Variants in TMTC4 observed in about 807,000 individuals in gnomAD.
The protein encoded by TMTC4 is transmembrane O-mannosyltransferase targeting cadherins 4.
In TMTC4, 65 loss-of-function variants were observed where a neutral mutation model predicts 86.0. That is an observed-to-expected ratio of 0.76 (90% CI 0.62 to 0.93). The LOEUF (loss-of-function observed/expected upper bound fraction) is 0.93, where lower values mean the gene tolerates loss of function less well. TMTC4 is among the 40% of genes least tolerant of loss of function. TMTC4 has a pLI of 0.00. For synonymous variants in TMTC4, 379 were observed against 382.5 expected (o/e 0.99, Z 0.11); for missense variants, 866 against 948.1 (o/e 0.91, Z 1.14).
intron 15 of TMTC4, among the ~76,000 whole-genome samples, chr13:100,617,091 A>T (rs937197629): frequency 6.6e-6 from 1 of 151,428 alleles, no homozygotes; most frequent in African/African-American, 2.4e-5. Flanking sequence ...CCCAGGGCTG[A>T]TGTCTAGAAT....
chr13:100,664,485 A>C, intron 3 of TMTC4, 149 bp from the exon 4 acceptor site: 2 of 555,838 alleles, frequency 3.6e-6, no homozygotes, highest in African/African-American at 2.0e-5. Context: ...CGAAATACAC[A>C]TGGGCTCACC....
chr13:100,647,743 G>A (rs1228565500), intron 6 of TMTC4, among the ~76,000 whole-genome samples: 2 of 152,148 alleles, frequency 1.3e-5, no homozygotes, highest in Non-Finnish European at 1.5e-5. Flanking sequence ...TTATGACACA[G>A]ACACGAAAGT....
chr13:100,611,097 T>G (rs996092482), intron 17 of TMTC4, among the ~76,000 whole-genome samples: 1 of 152,236 alleles, frequency 6.6e-6, no homozygotes, highest in Non-Finnish European at 1.5e-5. Flanking sequence ...GATAATGACA[T>G]GTAATAAACA....
intron 15 of TMTC4, among the ~76,000 whole-genome samples, chr13:100,615,865 C>G (rs77280608): frequency 0.019 from 2,885 of 152,314 alleles, 81 homozygotes; most frequent in African/African-American, 0.057. Context: ...GTAGTGAGCA[C>G]AGTACCCAAT....
Position 100,668,433 on chromosome 13 carries a change from GA to G in TMTC4, c.219+145del, listed in dbSNP as rs1330461547. 7.0e-5 allele frequency: 57 copies of G among 809,700 alleles called. No individual in the cohort carries two copies. In the Admixed American group the frequency reaches 8.7e-4, roughly 12 times the overall value. 50.2% of individuals were successfully genotyped at this position (809,700 alleles called of 1,614,324 possible). On this transcript the variant is annotated intron_variant, in intron 3 of 18. Coordinates refer to ENST00000342624, the MANE Select transcript of TMTC4 (RefSeq NM_032813.5). ...GGCACTAAATCATGGAGGCGATGTT[GA>G]AAAGAGAGAAAAATCGAGAGCACCA...
chr13:100,635,220 A>G (rs755136134), intron 10 of TMTC4, 25 bp from the exon 11 acceptor site: 5 of 1,524,090 alleles, frequency 3.3e-6, no homozygotes, highest in South Asian at 2.5e-5. Flanking sequence ...GTATTTAAAT[A>G]AATGGCTATT....
chr13:100,664,289 G>A lies in TMTC4; in HGVS notation c.267C>T (p.Phe89=). The change falls in exon 4 of 19, where the codon TTC becomes TTT. Residue 89 remains phenylalanine (F), a synonymous_variant. Transcript: ENST00000342624. ...TPLGDLWHHD[F]WGSRLSSNTS... ...TGTTGCTGCTCAGTCTACTGCCCCAGAAGTCATGATGCCACAGGTCCCCCA... is the reference window on the plus strand; with the variant it reads ...TGTTGCTGCTCAGTCTACTGCCCCAAAAGTCATGATGCCACAGGTCCCCCA... 6.2e-7 allele frequency: 1 copy of A among 1,612,542 alleles called. No individual in the cohort carries two copies. The highest frequency in any genetic ancestry group is 1.1e-5 in the South Asian group (1 of 90,892).
At position 100,634,801 on chromosome 13, in the gene TMTC4, G is replaced by A. The variant is rs774778982; in HGVS notation, c.1506+4C>T. 2 of 1,612,448 alleles carry A rather than the reference G, an allele frequency of 1.2e-6. No homozygotes were observed. On this transcript the variant is annotated splice_donor_region_variant and intron_variant, in intron 12 of 18. Coordinates refer to ENST00000342624, the MANE Select transcript of TMTC4 (RefSeq NM_032813.5). ...CCTTTAAAAGAAATCTGGCAGCTAGGTACCTTAGCATTGAGGGGACACACA... is the reference window on the plus strand; with the variant it reads ...CCTTTAAAAGAAATCTGGCAGCTAGATACCTTAGCATTGAGGGGACACACA...
At chr13:100,660,795 A>AG (rs1354523053) in intron 5 of TMTC4, among the ~76,000 whole-genome samples, 1 of 152,020 alleles carries the variant, frequency 6.6e-6, no homozygotes, top group Non-Finnish European at 1.5e-5. Flanking sequence ...CTGGGACTAC[A>AG]GGGGCATACC....
chr13:100,619,656 T>C (rs781621300), intron 15 of TMTC4, among the ~76,000 whole-genome samples: 16 of 152,216 alleles, frequency 1.1e-4, no homozygotes, highest in Non-Finnish European at 2.4e-4. Context: ...ATCCATTTGC[T>C]AAAGATGTTG....
chr13:100,643,164 G>A (rs565935652), intron 6 of TMTC4, among the ~76,000 whole-genome samples: 1 of 152,170 alleles, frequency 6.6e-6, no homozygotes, highest in East Asian at 1.9e-4. Flanking sequence ...ACTCCTCTCC[G>A]TTGTGAAGTC....
intron 6 of TMTC4, among the ~76,000 whole-genome samples, chr13:100,645,476 T>C (rs1464459793): frequency 2.6e-5 from 4 of 152,238 alleles, no homozygotes; most frequent in Non-Finnish European, 5.9e-5. Context: ...CACACCTGAC[T>C]GCCCCTGTGA....
chr13:100,614,211 TAA>T (rs1307393873), intron 16 of TMTC4, 103 bp downstream of exon 16: 2 of 822,012 alleles, frequency 2.4e-6, no homozygotes, highest in Admixed American at 2.6e-5. Flanking sequence ...AATTTTTTTT[TAA>T]ACTCAGTAGG....
chr13:100,604,818 C>T lies in TMTC4; in HGVS notation c.*176G>A, dbSNP rs73568772. 5.6e-5 allele frequency: 29 copies of T among 514,424 alleles called. No individual in the cohort carries two copies. The highest frequency in any genetic ancestry group is 3.4e-4 in the African/African-American group (17 of 50,308). 31.9% of individuals were successfully genotyped at this position (514,424 alleles called of 1,614,324 possible). On this transcript the variant is annotated 3_prime_UTR_variant, in exon 19 of 19. Transcript: ENST00000342624. ...ACAATTTCAATGAAAAATCATATCA[C>T]GCATTCAAGAGTATATTGCTGGTGC... is the stretch of plus-strand genomic sequence containing the variant.
At chr13:100,666,443 G>A (rs2139050615) in intron 3 of TMTC4, among the ~76,000 whole-genome samples, 1 of 152,278 alleles carries the variant, frequency 6.6e-6, no homozygotes, top group African/African-American at 2.4e-5. Context: ...GCAGAACCAC[G>A]AAATGGCTTC....
intron 9 of TMTC4, 150 bp from the exon 10 acceptor site, chr13:100,636,884 T>G: frequency 1.3e-6 from 1 of 766,016 alleles, no homozygotes; most frequent in Non-Finnish European, 2.2e-6. Context: ...GTATTGGGTA[T>G]GTGACTATAG....
At chr13:100,653,422 G>A (rs533419627) in intron 6 of TMTC4, among the ~76,000 whole-genome samples, 5 of 152,088 alleles carry the variant, frequency 3.3e-5, no homozygotes, top group African/African-American at 4.8e-5. Context: ...TGATGTCGCC[G>A]GGCCAGGGAA....
At chr13:100,671,082 C>G (rs1224517328) in intron 1 of TMTC4, among the ~76,000 whole-genome samples, 4 of 152,172 alleles carry the variant, frequency 2.6e-5, no homozygotes, top group African/African-American at 9.7e-5. Context: ...TTTAAATGCA[C>G]AATAGAGTCA....
chr13:100,630,119 T>C (rs1881157777), intron 12 of TMTC4, among the ~76,000 whole-genome samples: 1 of 151,750 alleles, frequency 6.6e-6, no homozygotes, highest in Non-Finnish European at 1.5e-5. Flanking sequence ...AATCTTGAAA[T>C]ACAGAAGTGG....
Sources: allele counts gnomAD v4.1 joint callset (sites outside exome capture counted in the v4.1 genomes callset), GRCh38; gene constraint gnomAD v4.1.1; transcripts MANE v1.5; gene names NCBI Gene and HGNC (gene_info 2026-07-23, HGNC 2026-07-21).